Variants in HPR observed in about 807,000 individuals in gnomAD.
HPR encodes Haptoglobin-related locus.
A neutral mutation model predicts 18.5 loss-of-function variants in HPR; 17 were observed. The ratio of observed to expected loss-of-function variants is 0.92; its 90% CI spans 0.63 to 1.38. HPR has a LOEUF of 1.38. Among genes scored for constraint, HPR ranks in the 40% most tolerant of loss-of-function variants. HPR has a pLI of 0.00. For missense variants in HPR, 457 were observed against 432.4 expected (o/e 1.06, Z -0.51); for synonymous variants, 176 against 165.0 (o/e 1.07, Z -0.51).
rs749735295 is a variant in HPR, at chr16:72,076,321, A to G, written c.287A>G (p.Asn96Ser). The change falls in exon 5 of 5, where the codon AAT becomes AGT. Residue 96 changes from asparagine (N) to serine (S), a missense_variant. By Grantham distance (46) the Asn-to-Ser change is conservative. Transcript: ENST00000540303. ...ECEAVCGKPK[N>S]PANPVQRILG... The stretch of plus-strand genomic sequence containing the variant: ...TTGACAGTATGTGGGAAGCCCAAGA[A>G]TCCGGCAAACCCAGTGCAGCGGATC... 1.5e-5 allele frequency: 24 copies of G among 1,613,754 alleles called. No homozygotes were observed. Among genetic ancestry groups the G allele is most frequent in the Non-Finnish European group, 2.0e-5 (24 of 1,179,768 alleles).
At chr16:72,069,270 T>C (rs1041860101) in intron 1 of HPR, among the ~76,000 whole-genome samples, 2 of 151,990 alleles carry the variant, frequency 1.3e-5, no homozygotes, top group Non-Finnish European at 2.9e-5. Flanking sequence ...TCATAAGGAG[T>C]TAATCATCCA....
chr16:72,066,639 G>A (rs1160943547), intron 1 of HPR, among the ~76,000 whole-genome samples: 1 of 152,192 alleles, frequency 6.6e-6, no homozygotes, highest in Non-Finnish European at 1.5e-5. Flanking sequence ...AGGAGCAAAT[G>A]AAGCAATATA....
At chr16:72,065,409 T>G (rs2041587665) in intron 1 of HPR, among the ~76,000 whole-genome samples, 1 of 151,962 alleles carries the variant, frequency 6.6e-6, no homozygotes, top group Non-Finnish European at 1.5e-5. Flanking sequence ...AAATCCCTAA[T>G]ATGAGGGATT....
intron 1 of HPR, among the ~76,000 whole-genome samples, chr16:72,066,533 T>A (rs1194831859): frequency 6.6e-6 from 1 of 151,546 alleles, no homozygotes; most frequent in African/African-American, 2.4e-5. Context: ...ATAAAAGGAA[T>A]CAGTGAATCC....
intron 1 of HPR, among the ~76,000 whole-genome samples, chr16:72,063,739 A>G (rs1302041348): frequency 6.6e-6 from 1 of 151,978 alleles, no homozygotes; most frequent in Non-Finnish European, 1.5e-5. Context: ...TTGAAATAAT[A>G]AGACTAGAAA....
Position 72,076,460 on chromosome 16 carries a change from G to C in HPR, c.426G>C (p.Thr142=), listed in dbSNP as rs548418764. 18 of 1,614,124 alleles carry C rather than the reference G, an allele frequency of 1.1e-5. No individual in the cohort carries two copies. In the East Asian group the frequency reaches 2.7e-4, roughly 24 times the overall value. Residue 142 remains threonine, a synonymous_variant, in exon 5 of 5, where the codon ACG becomes ACC. Transcript: ENST00000540303. ...TCAATGAACAATGGCTGCTGACCAC[G>C]GCTAAAAATCTCTTCCTGAACCATT... ...TLINEQWLLT[T]AKNLFLNHSE...
chr16:72,075,161 T>C lies in HPR; in HGVS notation c.210T>C (p.Asn70=), dbSNP rs1391045254. The change falls in exon 4 of 5, where the codon AAT becomes AAC. Residue 70 remains asparagine (N), a synonymous_variant. Transcript: ENST00000540303. ...RTEGDGVYTL[N]DKKQWINKAV... is the part of the protein sequence containing the mutation. ...TTGTTTCAGGAGTATACACCTTAAATGATAAGAAGCAGTGGATAAATAAGG... is the reference window on the plus strand; with the variant it reads ...TTGTTTCAGGAGTATACACCTTAAACGATAAGAAGCAGTGGATAAATAAGG... The C allele has an allele frequency of 9.5e-6, 13 of 1,372,212 alleles. No homozygotes were observed. The highest frequency in any genetic ancestry group is 2.5e-5 in the South Asian group (2 of 81,514). The allele number at this position is 1,372,212 out of a possible 1,614,324, so 85.0% of individuals were successfully genotyped here. A position where few individuals can be genotyped will look rare whatever the true frequency, so the allele number is the denominator to read the frequency against.
intron 2 of HPR, 40 bp downstream of exon 2, chr16:72,074,017 C>T (rs1195579870): frequency 6.2e-7 from 1 of 1,612,402 alleles, no homozygotes; most frequent in East Asian, 2.2e-5. Context: ...ATCCCTGGCA[C>T]TGCCACATCC....
intron 1 of HPR, among the ~76,000 whole-genome samples, chr16:72,073,544 T>C (rs1250536968): frequency 3.3e-5 from 5 of 152,158 alleles, no homozygotes; most frequent in Non-Finnish European, 5.9e-5. Context: ...TTATTGCCAA[T>C]GTACCTTCCT....
At chr16:72,064,544 C>A (rs1250035034) in intron 1 of HPR, among the ~76,000 whole-genome samples, 1 of 152,210 alleles carries the variant, frequency 6.6e-6, no homozygotes, top group Non-Finnish European at 1.5e-5. Context: ...GCAAGTTAGC[C>A]AACCGGGTTC....
chr16:72,064,351 G>C (rs939532907), intron 1 of HPR, among the ~76,000 whole-genome samples: 2 of 152,126 alleles, frequency 1.3e-5, no homozygotes, highest in Admixed American at 1.3e-4. Flanking sequence ...TTCAAGGCCA[G>C]ACTTCCTTAC....
chr16:72,074,233 T>C (rs766777859), intron 2 of HPR, 51 bp from the exon 3 acceptor site: 34 of 1,539,942 alleles, frequency 2.2e-5, no homozygotes, highest in Non-Finnish European at 3.0e-5. Context: ...TTCATGGGTC[T>C]CTGGGAACAA....
chr16:72,063,962 G>A (rs377383507), intron 1 of HPR, among the ~76,000 whole-genome samples: 4 of 152,094 alleles, frequency 2.6e-5, no homozygotes, highest in East Asian at 1.9e-4. Flanking sequence ...GGATGATCTC[G>A]ATCTCTTGAC....
chr16:72,075,341 G>C (rs1309434221), intron 4 of HPR, 122 bp downstream of exon 4: 1 of 703,210 alleles, frequency 1.4e-6, no homozygotes, highest in Admixed American at 2.7e-5. Context: ...AGGGATGTGG[G>C]AGAACCGCAG....
At chr16:72,068,501 C>T (rs1036219204) in intron 1 of HPR, among the ~76,000 whole-genome samples, 2 of 152,116 alleles carry the variant, frequency 1.3e-5, no homozygotes, top group Non-Finnish European at 2.9e-5. Flanking sequence ...CTAAAGAGGT[C>T]GATCAGGTCA....
chr16:72,069,870 G>A (rs79469260), intron 1 of HPR, among the ~76,000 whole-genome samples: 5,974 of 152,168 alleles, frequency 0.039, 172 homozygotes, highest in Non-Finnish European at 0.058. Context: ...CTACTGGGTA[G>A]AGACTATCCC....
intron 1 of HPR, among the ~76,000 whole-genome samples, chr16:72,067,744 C>A (rs112351059): frequency 4.6e-5 from 7 of 152,216 alleles, no homozygotes; most frequent in African/African-American, 1.2e-4. Flanking sequence ...GCTTCTTGAA[C>A]CCTGTATGTC....
intron 4 of HPR, among the ~76,000 whole-genome samples, 181 bp from the exon 5 acceptor site, chr16:72,076,122 C>T (rs2041719586): frequency 1.3e-5 from 2 of 152,064 alleles, no homozygotes; most frequent in Admixed American, 1.3e-4. Flanking sequence ...GTAATGTAAA[C>T]AATTAAAAAA....
At chr16:72,066,354 G>A (rs568394404) in intron 1 of HPR, among the ~76,000 whole-genome samples, 46 of 152,200 alleles carry the variant, frequency 3.0e-4, no homozygotes, top group African/African-American at 1.0e-3. Flanking sequence ...TTCAGGGGAG[G>A]AAAGAAGCAT....
Sources: allele counts gnomAD v4.1 joint callset (sites outside exome capture counted in the v4.1 genomes callset), GRCh38; gene constraint gnomAD v4.1.1; transcripts MANE v1.5; gene names NCBI Gene and HGNC (gene_info 2026-07-23, HGNC 2026-07-21).